RPS6KB1: variants seen among roughly 807,000 people sequenced by gnomAD.
RPS6KB1 encodes ribosomal protein S6 kinase B1, also known as ribosomal protein S6 kinase beta-1.
RPS6KB1 carries 12 observed loss-of-function variants against 70.2 expected under a neutral mutation model. That is an observed-to-expected ratio of 0.17 (90% CI 0.11 to 0.28). RPS6KB1 has a LOEUF of 0.28. RPS6KB1 is among the 10% of genes least tolerant of loss of function. The pLI is 1.00. For synonymous variants in RPS6KB1, 175 were observed against 211.2 expected (o/e 0.83, Z 1.49); for missense variants, 270 against 646.6 (o/e 0.42, Z 6.32).
intron 1 of RPS6KB1, among the ~76,000 whole-genome samples, chr17:59,895,930 G>A (rs1325892045): frequency 6.6e-6 from 1 of 152,218 alleles, no homozygotes; most frequent in Non-Finnish European, 1.5e-5. Context: ...ACTGCATCCG[G>A]TTGGTGTGTG....
At chr17:59,945,834 A>G (rs117782813) in intron 14 of RPS6KB1, among the ~76,000 whole-genome samples, 3,091 of 152,328 alleles carry the variant, frequency 0.02, 48 homozygotes, top group Non-Finnish European at 0.031. Context: ...ATATAGTACT[A>G]TAATACAGGA....
At chr17:59,920,192 A>G (rs1035000110) in intron 4 of RPS6KB1, among the ~76,000 whole-genome samples, 2 of 150,870 alleles carry the variant, frequency 1.3e-5, no homozygotes, top group African/African-American at 4.9e-5. Flanking sequence ...TAATTTTTGT[A>G]TTTTTAGTAG....
At chr17:59,910,260 C>G (rs532852994) in intron 1 of RPS6KB1, among the ~76,000 whole-genome samples, 83 of 151,640 alleles carry the variant, frequency 5.5e-4, no homozygotes, top group Non-Finnish European at 7.9e-4. Context: ...AGAAGAATCA[C>G]TTGAGGAGTT....
intron 2 of RPS6KB1, 114 bp from the exon 3 acceptor site, chr17:59,912,570 C>CT: frequency 2.8e-6 from 3 of 1,087,454 alleles, no homozygotes; most frequent in Non-Finnish European, 3.9e-6. Flanking sequence ...GTGTCATGTA[C>CT]TTTTTTACTT....
At position 59,948,620 on chromosome 17, in the gene RPS6KB1, G is replaced by C. The variant is rs2045056410; in HGVS notation, c.*1832G>C. 1.3e-5 allele frequency: 2 copies of C among 152,110 alleles called. No individual in the cohort carries two copies. Among genetic ancestry groups the C allele is most frequent in the East Asian group, 3.9e-4 (2 of 5,180 alleles). 9.4% of individuals were successfully genotyped at this position (152,110 alleles called of 1,614,324 possible). ...CACCTTTTCAATTGTGGCAATAATT[G>C]AAAGAATCGATAAAAGTTCATCTTT... On this transcript the variant is annotated 3_prime_UTR_variant, in exon 15 of 15. Transcript: ENST00000225577.
In RPS6KB1 at chr17:59,934,130, A is replaced by T. The variant is rs748399991; in HGVS notation, c.689-40A>T. The T allele has an allele frequency of 2.4e-6, 3 of 1,250,372 alleles. No homozygotes were observed. The Admixed American group carries it at 5.0e-5, about 21-fold the overall frequency. The allele number at this position is 1,250,372 out of a possible 1,614,324, so 77.5% of individuals were successfully genotyped here. On this transcript the variant is annotated intron_variant, in intron 7 of 14. Coordinates refer to ENST00000225577, the MANE Select transcript of RPS6KB1 (RefSeq NM_003161.4). This position sits in a 1 kb window ranked among gnomAD's most constrained non-coding sequence, Gnocchi z 4.8. The stretch of plus-strand genomic sequence containing the variant: ...ACATGTTCAAACACTGCACATACTT[A>T]TAATTCGGAGAATAATCATGCTGTA...
intron 1 of RPS6KB1, among the ~76,000 whole-genome samples, chr17:59,908,762 G>A (rs2042421965): frequency 7.0e-6 from 1 of 143,572 alleles, no homozygotes; most frequent in South Asian, 2.2e-4. Context: ...GGGACTACAG[G>A]TGCCCGCTAC....
At chr17:59,943,478 A>G (rs1401003135) in intron 13 of RPS6KB1, among the ~76,000 whole-genome samples, 2 of 152,190 alleles carry the variant, frequency 1.3e-5, no homozygotes, top group African/African-American at 4.8e-5. Context: ...CAGTTAAAGT[A>G]TTGTTGAGCT....
Position 59,901,656 on chromosome 17 carries a change from A to G in RPS6KB1, c.141+8331A>G, listed in dbSNP as rs1003067297. 1.7e-4 allele frequency among the ~76,000 whole-genome samples: 26 copies of G among 150,518 alleles called. 1 individual carries two copies. The Middle Eastern group carries it at 0.013, about 74-fold the overall frequency. On this transcript the variant is annotated intron_variant, in intron 1 of 14. Transcript: ENST00000225577. ...AAAAAAAAAAAAAAAAGAAAAAAAA[A>G]GAAACAGAGTTTTGGCCAATTTAGT... is the stretch of plus-strand genomic sequence containing the variant.
In RPS6KB1 at chr17:59,893,127, A is replaced by G; in HGVS notation, c.-58A>G. 6.3e-7 allele frequency: 1 copy of G among 1,582,598 alleles called. No individual in the cohort carries two copies. Among genetic ancestry groups the G allele is most frequent in the Non-Finnish European group, 8.6e-7 (1 of 1,164,592 alleles). ...CTAAGGCCTAGGCGCAGACGCACTG[A>G]GCCTAAGCAGCCGGTGATGGCGGCA... is the stretch of plus-strand genomic sequence containing the variant. On this transcript the variant is annotated 5_prime_UTR_variant, in exon 1 of 15. Coordinates refer to ENST00000225577, the MANE Select transcript of RPS6KB1 (RefSeq NM_003161.4). The surrounding 1 kb of genome is among the most constrained non-coding windows in gnomAD (Gnocchi z 4.1).
chr17:59,945,823 T>A (rs541690796), intron 14 of RPS6KB1, among the ~76,000 whole-genome samples: 139 of 152,342 alleles, frequency 9.1e-4, no homozygotes, highest in African/African-American at 3.3e-3. Flanking sequence ...TGTGTGTATC[T>A]ATATAGTACT....
Position 59,910,627 on chromosome 17 carries a change from G to A in RPS6KB1, c.191+16G>A. 6.5e-7 allele frequency: 1 copy of A among 1,530,046 alleles called. No homozygotes were observed. The highest frequency in any genetic ancestry group is 9.0e-7 in the Non-Finnish European group (1 of 1,114,672). 94.8% of individuals were successfully genotyped at this position (1,530,046 alleles called of 1,614,324 possible). ...CATATGAACTGTAAGTTTATATGAA[G>A]AGATTTTCATTGTGTTGTCTTTCTT... On this transcript the variant is annotated intron_variant, in intron 2 of 14. Transcript: ENST00000225577.
At chr17:59,943,608 G>A (rs1233475761) in intron 13 of RPS6KB1, among the ~76,000 whole-genome samples, 1 of 152,078 alleles carries the variant, frequency 6.6e-6, no homozygotes, top group Non-Finnish European at 1.5e-5. Context: ...GTCAGGTGCA[G>A]TGGCTCACGC....
chr17:59,924,045 T>A (rs552971264), intron 4 of RPS6KB1, among the ~76,000 whole-genome samples: 1 of 151,792 alleles, frequency 6.6e-6, no homozygotes, highest in Non-Finnish European at 1.5e-5. Context: ...CTTAAATATC[T>A]TTTTCTCGCT....
Position 59,947,818 on chromosome 17 carries a change from A to G in RPS6KB1, c.*1030A>G. The G allele has an allele frequency of 2.1e-6, 1 of 480,008 alleles. No homozygotes were observed. The highest frequency in any genetic ancestry group is 3.8e-6 in the Non-Finnish European group (1 of 264,268). 29.7% of individuals were successfully genotyped at this position (480,008 alleles called of 1,614,324 possible). Reference sequence around the variant, plus strand: ...GGTCGGCAAGGTGAGGGAGATAGGGATATCCAGGGGAAGAGGGTGTTGCTG... The same window carrying G: ...GGTCGGCAAGGTGAGGGAGATAGGGGTATCCAGGGGAAGAGGGTGTTGCTG... On this transcript the variant is annotated 3_prime_UTR_variant, in exon 15 of 15. Transcript: ENST00000225577.
chr17:59,934,764 A>G lies in RPS6KB1; in HGVS notation c.870+240A>G, dbSNP rs1027270937. On this transcript the variant is annotated intron_variant, in intron 9 of 14. Coordinates refer to ENST00000225577, the MANE Select transcript of RPS6KB1 (RefSeq NM_003161.4). This position sits in a 1 kb window ranked among gnomAD's most constrained non-coding sequence, Gnocchi z 4.8. ...CTGTGAAATAGATGTTGAATAGATA[A>G]TGCCCTTATTTTATAAATGGAGAAA... 4.3e-6 allele frequency: 2 copies of G among 469,534 alleles called. No individual in the cohort carries two copies. The highest frequency in any genetic ancestry group is 3.9e-5 in the African/African-American group (2 of 50,942). 29.1% of individuals were successfully genotyped at this position (469,534 alleles called of 1,614,324 possible). A position where few individuals can be genotyped will look rare whatever the true frequency, so the allele number is the denominator to read the frequency against.
At position 59,938,187 on chromosome 17, in the gene RPS6KB1, G is replaced by T. The variant is rs909776287; in HGVS notation, c.1119+1646G>T. Among the ~76,000 whole-genome samples the T allele has an allele frequency of 1.7e-4, 24 of 141,946 alleles. 2 individuals are homozygous for T. Among genetic ancestry groups the T allele is most frequent in the South Asian group, 2.3e-4 (1 of 4,442 alleles). The allele number at this position is 141,946 out of a possible 152,430, so 93.1% of individuals were successfully genotyped here. A position where few individuals can be genotyped will look rare whatever the true frequency, so the allele number is the denominator to read the frequency against. On this transcript the variant is annotated intron_variant, in intron 12 of 14. Transcript: ENST00000225577. Reference sequence around the variant, plus strand: ...TTTTCTTTCTTTTTTTTTTTTTTGGGGGGGGGATAGGGTCTTTCTCTGTTG... The same window carrying T: ...TTTTCTTTCTTTTTTTTTTTTTTGGTGGGGGGATAGGGTCTTTCTCTGTTG...
intron 1 of RPS6KB1, among the ~76,000 whole-genome samples, chr17:59,897,081 G>A (rs1011840803): frequency 6.6e-6 from 1 of 152,168 alleles, no homozygotes; most frequent in Non-Finnish European, 1.5e-5. Flanking sequence ...TGAGGCATAG[G>A]CCATATGATA....
intron 4 of RPS6KB1, among the ~76,000 whole-genome samples, chr17:59,920,523 A>G (rs1331418467): frequency 6.6e-6 from 1 of 152,234 alleles, no homozygotes; most frequent in East Asian, 1.9e-4. Flanking sequence ...AAAGCCATCT[A>G]GCTATTCTTC....
Sources: gnomAD v4.1 joint callset for allele counts (sites outside exome capture counted in the v4.1 genomes callset) on GRCh38, gnomAD v4.1.1 for gene constraint, Gnocchi (gnomAD v3.1) non-coding constraint, MANE v1.5 for transcripts, NCBI Gene and HGNC (gene_info 2026-07-23, HGNC 2026-07-21) for gene names.